The following UNC13C variants were observed in gnomAD, a reference collection of about 807,000 sequenced individuals.
UNC13C encodes the protein unc-13 homolog C.
Under a neutral mutation model 245.4 loss-of-function variants are expected in UNC13C, and 174 were observed. The observed-to-expected ratio is 0.71, with a 90% CI of 0.63 to 0.80. The LOEUF is 0.80. Ranked by LOEUF, UNC13C falls within the 30% of genes least tolerant of loss-of-function variation. UNC13C has a pLI of 0.00. For synonymous variants in UNC13C, 992 were observed against 895.1 expected, an observed-to-expected ratio of 1.11 and a Z score of -1.93; for missense variants, 2,829 against 2,602.9, an observed-to-expected ratio of 1.09 and a Z score of -1.89.
chr15:54,207,170 T>A lies in UNC13C; in HGVS notation c.3072-27860T>A, dbSNP rs548101132. 2.0e-5 allele frequency among the ~76,000 whole-genome samples: 3 copies of A among 152,084 alleles called. No homozygotes were observed. In the South Asian group the frequency reaches 6.2e-4, roughly 32 times the overall value. On this transcript the variant is annotated intron_variant, in intron 4 of 32. Transcript: ENST00000260323. ...ATGATGATAATTACAAGGATTTGAA[T>A]GTTGGTTGTTCCGAACAAAACTCAT... is the stretch of plus-strand genomic sequence containing the variant.
At chr15:54,334,458 G>A (rs1326422423) in intron 16 of UNC13C, among the ~76,000 whole-genome samples, 7 of 152,014 alleles carry the variant, frequency 4.6e-5, no homozygotes, top group Admixed American at 1.3e-4. Flanking sequence ...ACTACTTGCC[G>A]GGCTGTGGGC....
chr15:54,622,740 A>G (rs1900874694), intron 31 of UNC13C, among the ~76,000 whole-genome samples: 1 of 152,146 alleles, frequency 6.6e-6, no homozygotes, highest in African/African-American at 2.4e-5. Context: ...TGTTCTTACT[A>G]TTCACAAAAC....
the UNC13C span, among the ~76,000 whole-genome samples, chr15:53,957,512 T>C: frequency 6.6e-6 from 1 of 152,188 alleles, no homozygotes; most frequent in Non-Finnish European, 1.5e-5. Flanking sequence ...AGACTTTCAA[T>C]ATAATTTTTA....
At chr15:54,284,594 T>C (rs980638863) in intron 10 of UNC13C, among the ~76,000 whole-genome samples, 1 of 151,626 alleles carries the variant, frequency 6.6e-6, no homozygotes, top group Non-Finnish European at 1.5e-5. Flanking sequence ...AAATGGTGAA[T>C]AGAAATCACC....
intron 1 of UNC13C, among the ~76,000 whole-genome samples, chr15:53,983,361 G>A (rs191725092): frequency 4.0e-5 from 6 of 150,022 alleles, no homozygotes; most frequent in East Asian, 4.1e-4. Flanking sequence ...GGGAGCTCTC[G>A]TGGCTGAAGG....
intron 19 of UNC13C, among the ~76,000 whole-genome samples, chr15:54,471,832 G>C (rs912032822): frequency 2.0e-5 from 3 of 151,602 alleles, no homozygotes; most frequent in Non-Finnish European, 4.4e-5. Flanking sequence ...TCTATGACTT[G>C]TCTGTAAGGT....
chr15:53,850,838 CAT>C, the UNC13C span, among the ~76,000 whole-genome samples: 5 of 151,528 alleles, frequency 3.3e-5, no homozygotes, highest in Non-Finnish European at 5.9e-5. Context: ...TATTTTCCCA[CAT>C]GTCATTGAGG....
the UNC13C span, among the ~76,000 whole-genome samples, chr15:53,953,681 T>C: frequency 1.3e-5 from 2 of 152,254 alleles, no homozygotes; most frequent in Admixed American, 1.3e-4. Flanking sequence ...CAGCCTTTGT[T>C]ATTACATATG....
intron 2 of UNC13C, among the ~76,000 whole-genome samples, chr15:54,124,665 G>A (rs1488300694): frequency 6.6e-6 from 1 of 151,740 alleles, no homozygotes; most frequent in Non-Finnish European, 1.5e-5. Flanking sequence ...TTCATATTAT[G>A]CTATTGGTAT....
chr15:54,460,668 T>C (rs1891794881), intron 19 of UNC13C, among the ~76,000 whole-genome samples: 1 of 152,266 alleles, frequency 6.6e-6, no homozygotes, highest in Non-Finnish European at 1.5e-5. Context: ...ACGTCCTTTG[T>C]CTTCACAGTT....
At chr15:54,434,791 A>G (rs1309918878) in intron 19 of UNC13C, among the ~76,000 whole-genome samples, 1 of 152,178 alleles carries the variant, frequency 6.6e-6, no homozygotes, top group East Asian at 1.9e-4. Flanking sequence ...ATCAGAGAGA[A>G]CAGACAACCT....
chr15:54,507,052 A>G (rs2141109548), intron 22 of UNC13C, 65 bp from the exon 23 acceptor site: 1 of 1,072,136 alleles, frequency 9.3e-7, no homozygotes, highest in South Asian at 1.6e-5. Flanking sequence ...TTAGGATTAA[A>G]CTTTATAGCA....
At chr15:53,918,165 C>T in the UNC13C span, among the ~76,000 whole-genome samples, 41 of 152,258 alleles carry the variant, frequency 2.7e-4, no homozygotes, top group East Asian at 7.0e-3. Flanking sequence ...CCCTTTCTTC[C>T]CCTGCGTTTT....
intron 13 of UNC13C, among the ~76,000 whole-genome samples, chr15:54,316,676 G>C (rs546988213): frequency 6.6e-6 from 1 of 151,852 alleles, no homozygotes; most frequent in East Asian, 1.9e-4. Flanking sequence ...ATATTTGTTG[G>C]ACCAACTTGT....
At chr15:54,453,924 TCA>T (rs1891324664) in intron 19 of UNC13C, among the ~76,000 whole-genome samples, 1 of 152,158 alleles carries the variant, frequency 6.6e-6, no homozygotes, top group Admixed American at 6.5e-5. Context: ...CAAAATATTG[TCA>T]GTTTCCCCCT....
chr15:53,925,694 T>A, the UNC13C span, among the ~76,000 whole-genome samples: 1 of 152,234 alleles, frequency 6.6e-6, no homozygotes, highest in East Asian at 1.9e-4. Context: ...ATTTAATCTG[T>A]AGTGTCGGGA....
chr15:54,158,123 A>T (rs1016125403), intron 4 of UNC13C, among the ~76,000 whole-genome samples: 7 of 152,226 alleles, frequency 4.6e-5, no homozygotes, highest in African/African-American at 1.7e-4. Flanking sequence ...TCAGGATAGA[A>T]TGGTGAGTTC....
chr15:53,950,462 T>C, the UNC13C span, among the ~76,000 whole-genome samples: 2 of 152,048 alleles, frequency 1.3e-5, no homozygotes, highest in Non-Finnish European at 2.9e-5. Flanking sequence ...ATTGGATATT[T>C]AGTAGCTAAT....
chr15:54,253,953 A>G (rs2036216994), intron 8 of UNC13C, among the ~76,000 whole-genome samples: 1 of 152,210 alleles, frequency 6.6e-6, no homozygotes, highest in East Asian at 1.9e-4. Context: ...TTAATTCCTA[A>G]CTAGAAATTT....
Sources: gnomAD v4.1 joint callset for allele counts (sites outside exome capture counted in the v4.1 genomes callset) on GRCh38, gnomAD v4.1.1 for gene constraint, MANE v1.5 for transcripts, NCBI Gene and HGNC (gene_info 2026-07-23, HGNC 2026-07-21) for gene names.